Variants in FILIP1L observed in about 807,000 individuals in gnomAD.
FILIP1L encodes filamin A-interacting protein 1-like.
A neutral mutation model predicts 96.6 loss-of-function variants in FILIP1L; 55 were observed. The observed-to-expected ratio is 0.57, with a 90% CI of 0.46 to 0.71. FILIP1L has a LOEUF of 0.71. Among genes scored for constraint, FILIP1L ranks in the 30% least tolerant of loss-of-function variants. The pLI is 0.00. For synonymous variants in FILIP1L, 467 were observed against 473.9 expected (o/e 0.99, Z 0.19); for missense variants, 1,304 against 1,321.2 (o/e 0.99, Z 0.20).
chr3:100,028,591 A>T (rs2064968672), intron 1 of FILIP1L, among the ~76,000 whole-genome samples: 1 of 152,214 alleles, frequency 6.6e-6, no homozygotes, highest in Admixed American at 6.5e-5. Context: ...TAAAAATAAT[A>T]TGTATTTACC....
intron 4 of FILIP1L, among the ~76,000 whole-genome samples, chr3:99,905,288 G>A (rs1449760846): frequency 1.3e-5 from 2 of 152,034 alleles, no homozygotes; most frequent in African/African-American, 4.8e-5. Context: ...ACCACTGCTG[G>A]CCTGAGTTCC....
chr3:100,023,828 C>T (rs1217437636), intron 1 of FILIP1L, among the ~76,000 whole-genome samples: 1 of 152,194 alleles, frequency 6.6e-6, no homozygotes, highest in Admixed American at 6.6e-5. Flanking sequence ...TGTTCTCCTT[C>T]ACAGTGCTCA....
chr3:99,931,171 A>G, intron 1 of FILIP1L, 141 bp from the exon 2 acceptor site: 1 of 672,012 alleles, frequency 1.5e-6, no homozygotes. Context: ...TACAGCAGAG[A>G]AGGATATTAG....
intron 4 of FILIP1L, among the ~76,000 whole-genome samples, chr3:99,916,845 C>G (rs1012610450): frequency 2.0e-5 from 3 of 152,216 alleles, no homozygotes; most frequent in African/African-American, 7.2e-5. Context: ...CAGCCATCAT[C>G]TTCACGGCTG....
chr3:99,981,054 A>G (rs1031013111), intron 1 of FILIP1L, among the ~76,000 whole-genome samples: 1 of 152,170 alleles, frequency 6.6e-6, no homozygotes, highest in Non-Finnish European at 1.5e-5. Context: ...GGGTGAGGGA[A>G]GAGGCAAAGG....
intron 1 of FILIP1L, among the ~76,000 whole-genome samples, chr3:100,110,209 A>G (rs2066467535): frequency 6.6e-6 from 1 of 152,252 alleles, no homozygotes; most frequent in South Asian, 2.1e-4. Context: ...TTAACCCCAC[A>G]TGCTCCCTGA....
chr3:99,962,553 A>G (rs1455068169), intron 1 of FILIP1L, among the ~76,000 whole-genome samples: 2 of 152,206 alleles, frequency 1.3e-5, no homozygotes, highest in African/African-American at 2.4e-5. Flanking sequence ...AGAGGAAGAG[A>G]TAATATTGTT....
chr3:99,866,756 T>G (rs1481179151), intron 4 of FILIP1L, among the ~76,000 whole-genome samples: 1 of 152,204 alleles, frequency 6.6e-6, no homozygotes, highest in East Asian at 1.9e-4. Flanking sequence ...ATGATTGGTT[T>G]ATATCTTTTC....
intron 4 of FILIP1L, among the ~76,000 whole-genome samples, chr3:99,923,163 A>G (rs1707177691): frequency 6.6e-6 from 1 of 151,598 alleles, no homozygotes; most frequent in South Asian, 2.1e-4. Flanking sequence ...GATGTATTCT[A>G]GGGTTCCCTT....
chr3:100,073,837 T>C (rs2065802321), intron 1 of FILIP1L, among the ~76,000 whole-genome samples: 1 of 152,212 alleles, frequency 6.6e-6, no homozygotes, highest in South Asian at 2.1e-4. Flanking sequence ...ACTCACTCTT[T>C]TTAAGCTTAT....
At chr3:100,106,776 G>C (rs1187853916) in intron 1 of FILIP1L, among the ~76,000 whole-genome samples, 1 of 152,150 alleles carries the variant, frequency 6.6e-6, no homozygotes, top group Non-Finnish European at 1.5e-5. Flanking sequence ...ACTGGTGGTT[G>C]TACTACTCCT....
chr3:99,956,291 G>A (rs925056095), intron 1 of FILIP1L, among the ~76,000 whole-genome samples: 1 of 151,962 alleles, frequency 6.6e-6, no homozygotes, highest in Non-Finnish European at 1.5e-5. Flanking sequence ...CTTTACACAT[G>A]TTCTCCTTTT....
intron 1 of FILIP1L, among the ~76,000 whole-genome samples, chr3:99,946,066 T>C (rs1707998784): frequency 6.6e-6 from 1 of 152,260 alleles, no homozygotes; most frequent in African/African-American, 2.4e-5. Context: ...AATTATGGTC[T>C]TGGTTCATCA....
At chr3:100,109,903 A>ACCCC (rs35074224) in intron 1 of FILIP1L, 4 of 72,322 alleles carry the variant, frequency 5.5e-5, no homozygotes, top group African/African-American at 1.1e-4. Context: ...TTCTTTTATG[A>ACCCC]CCCCCCCCCC....
chr3:99,876,586 G>A (rs1705536510), intron 4 of FILIP1L, among the ~76,000 whole-genome samples: 1 of 152,196 alleles, frequency 6.6e-6, no homozygotes, highest in Non-Finnish European at 1.5e-5. Flanking sequence ...CTGGGGGTAG[G>A]CGGGAGAGGG....
At chr3:100,090,529 C>T (rs758000440) in intron 1 of FILIP1L, among the ~76,000 whole-genome samples, 4 of 152,160 alleles carry the variant, frequency 2.6e-5, no homozygotes, top group Middle Eastern at 3.2e-3. Context: ...TTGCCCAGGC[C>T]CTCCCAGTGG....
At position 100,109,178 on chromosome 3, in the gene FILIP1L, AT is replaced by A. The variant is rs1251497524; in HGVS notation, c.-11+4874del. On this transcript the variant is annotated intron_variant, in intron 1 of 5. Coordinates refer to ENST00000477258, the MANE Select transcript of FILIP1L (RefSeq NM_001387850.1). ...TCAAGGTGGTTGGACTCTATTAATC[AT>A]TTTTTAAGGGTTCTTTTTCTTTTGT... Among the ~76,000 whole-genome samples the A allele has an allele frequency of 6.6e-5, 10 of 151,650 alleles. No individual in the cohort carries two copies. In the South Asian group the frequency reaches 1.2e-3, roughly 19 times the overall value.
intron 4 of FILIP1L, among the ~76,000 whole-genome samples, chr3:99,905,472 T>A (rs1272182214): frequency 6.6e-6 from 1 of 152,226 alleles, no homozygotes; most frequent in Non-Finnish European, 1.5e-5. Context: ...ATGTCTTGCA[T>A]CTTTAGAACA....
chr3:100,068,967 A>G (rs952876213), intron 1 of FILIP1L, among the ~76,000 whole-genome samples: 1 of 152,188 alleles, frequency 6.6e-6, no homozygotes, highest in African/African-American at 2.4e-5. Flanking sequence ...AAATAGAGGG[A>G]CATGACAGTG....
Sources: allele counts gnomAD v4.1 joint callset (sites outside exome capture counted in the v4.1 genomes callset), GRCh38; gene constraint gnomAD v4.1.1; transcripts MANE v1.5; gene names NCBI Gene and HGNC (gene_info 2026-07-23, HGNC 2026-07-21).